The following SLC25A21 variants were observed in gnomAD, a reference collection of about 807,000 sequenced individuals.
SLC25A21 encodes solute carrier family 25 member 21.
Under a neutral mutation model 43.8 loss-of-function variants are expected in SLC25A21, and 47 were observed. That is an observed-to-expected ratio of 1.07 (90% confidence interval 0.85 to 1.37). SLC25A21 has a LOEUF of 1.37. SLC25A21 is among the 40% of genes most tolerant of loss of function. The pLI is 0.00. For synonymous variants in SLC25A21, 131 were observed against 121.3 expected (o/e 1.08, Z -0.52); for missense variants, 352 against 350.2 (o/e 1.00, Z -0.04).
intron 1 of SLC25A21, among the ~76,000 whole-genome samples, chr14:36,900,865 T>C (rs975954472): frequency 1.3e-5 from 2 of 152,166 alleles, no homozygotes; most frequent in Non-Finnish European, 2.9e-5. Flanking sequence ...TTTTGATTAT[T>C]AAAACTGTGA....
At chr14:37,134,816 A>G (rs1311769749) in intron 1 of SLC25A21, among the ~76,000 whole-genome samples, 1 of 152,074 alleles carries the variant, frequency 6.6e-6, no homozygotes, top group Admixed American at 6.6e-5. Flanking sequence ...GTCTTGGCCA[A>G]GTGTGGTGGC....
intron 1 of SLC25A21, among the ~76,000 whole-genome samples, chr14:36,934,129 G>A (rs1044976581): frequency 1.3e-5 from 2 of 151,964 alleles, no homozygotes; most frequent in Non-Finnish European, 2.9e-5. Flanking sequence ...TCTGTATTTG[G>A]TTAAGCCCAA....
intron 1 of SLC25A21, among the ~76,000 whole-genome samples, chr14:37,109,308 C>A (rs562203774): frequency 6.6e-6 from 1 of 151,766 alleles, no homozygotes; most frequent in African/African-American, 2.4e-5. Context: ...AACAACTAAC[C>A]CTGCTTCATT....
intron 1 of SLC25A21, among the ~76,000 whole-genome samples, chr14:36,937,988 G>A (rs1892465274): frequency 6.6e-6 from 1 of 152,004 alleles, no homozygotes; most frequent in South Asian, 2.1e-4. Flanking sequence ...ATTTTCTGGA[G>A]AGAAGAACAA....
Position 36,903,986 on chromosome 14 carries a change from T to A in SLC25A21, c.71-28982A>T, listed in dbSNP as rs140775803. On this transcript the variant is annotated intron_variant, in intron 1 of 9. Transcript: ENST00000331299. ...TTTCAAACTTCAAATACAGAATAGT[T>A]AGAATAAACGCTCAGGCAATTGAGG... 5.6e-3 allele frequency among the ~76,000 whole-genome samples: 852 copies of A among 152,318 alleles called. 2 individuals carry two copies. The highest frequency in any genetic ancestry group is 7.7e-3 in the Non-Finnish European group (524 of 68,026).
intron 1 of SLC25A21, among the ~76,000 whole-genome samples, chr14:36,993,732 G>C (rs567992388): frequency 6.6e-6 from 1 of 152,048 alleles, no homozygotes; most frequent in Non-Finnish European, 1.5e-5. Flanking sequence ...GACTAACACA[G>C]CTGTCTGCAT....
At chr14:36,766,709 A>T (rs530922265) in intron 3 of SLC25A21, among the ~76,000 whole-genome samples, 1 of 152,078 alleles carries the variant, frequency 6.6e-6, no homozygotes, top group East Asian at 1.9e-4. Context: ...TTCAGCACCC[A>T]AGAGGCAGTG....
chr14:37,094,152 C>G (rs1962641468), intron 1 of SLC25A21, among the ~76,000 whole-genome samples: 1 of 152,186 alleles, frequency 6.6e-6, no homozygotes, highest in Non-Finnish European at 1.5e-5. Context: ...GCAATGTGAA[C>G]AAGTGTGGAG....
At chr14:37,100,234 T>G (rs1962791174) in intron 1 of SLC25A21, among the ~76,000 whole-genome samples, 1 of 152,066 alleles carries the variant, frequency 6.6e-6, no homozygotes, top group African/African-American at 2.4e-5. Context: ...AATTTTTGTA[T>G]TTTTAGTAGA....
chr14:37,134,785 T>C (rs72669563), intron 1 of SLC25A21, among the ~76,000 whole-genome samples: 1 of 152,216 alleles, frequency 6.6e-6, no homozygotes, highest in Non-Finnish European at 1.5e-5. Context: ...CGGAGCTTCA[T>C]AATCAACCTT....
intron 2 of SLC25A21, among the ~76,000 whole-genome samples, chr14:36,831,337 G>A (rs1336030584): frequency 1.3e-5 from 2 of 152,154 alleles, no homozygotes; most frequent in Admixed American, 1.3e-4. Context: ...ATTGCATCCT[G>A]TAAGACACTG....
intron 3 of SLC25A21, among the ~76,000 whole-genome samples, chr14:36,773,239 T>C (rs937631036): frequency 1.1e-4 from 17 of 151,942 alleles, no homozygotes; most frequent in Middle Eastern, 3.2e-3. Context: ...CCATGTAGAA[T>C]GTTGTGTCTT....
At chr14:36,839,914 A>C (rs1360470958) in intron 2 of SLC25A21, among the ~76,000 whole-genome samples, 1 of 152,230 alleles carries the variant, frequency 6.6e-6, no homozygotes, top group Non-Finnish European at 1.5e-5. Context: ...AAACAGTAAA[A>C]ATATAGTATT....
chr14:36,917,455 T>A (rs905419290), intron 1 of SLC25A21, among the ~76,000 whole-genome samples: 1 of 152,134 alleles, frequency 6.6e-6, no homozygotes, highest in Non-Finnish European at 1.5e-5. Context: ...CTTTTTCTTA[T>A]AATAATTTTG....
At chr14:37,004,861 T>A (rs1207426195) in intron 1 of SLC25A21, among the ~76,000 whole-genome samples, 1 of 152,074 alleles carries the variant, frequency 6.6e-6, no homozygotes, top group Non-Finnish European at 1.5e-5. Context: ...TACAGCTTCC[T>A]AATTTTCAAC....
At chr14:36,932,363 C>G (rs1254288264) in intron 1 of SLC25A21, among the ~76,000 whole-genome samples, 2 of 152,068 alleles carry the variant, frequency 1.3e-5, no homozygotes, top group African/African-American at 4.8e-5. Flanking sequence ...CAACAAGAAC[C>G]AAGGGATTTA....
At chr14:36,854,933 T>G (rs1217882419) in intron 2 of SLC25A21, among the ~76,000 whole-genome samples, 199 of 134,432 alleles carry the variant, frequency 1.5e-3, no homozygotes, top group African/African-American at 2.3e-3. Context: ...GGGCATGAGG[T>G]GGGGGGGGGT....
chr14:36,685,941 C>A (rs1050908250), intron 7 of SLC25A21, among the ~76,000 whole-genome samples: 1 of 152,138 alleles, frequency 6.6e-6, no homozygotes, highest in African/African-American at 2.4e-5. Flanking sequence ...TCCGACCCCC[C>A]ACCCTATCTT....
chr14:36,773,787 C>T (rs1886715047), intron 3 of SLC25A21, among the ~76,000 whole-genome samples: 1 of 152,126 alleles, frequency 6.6e-6, no homozygotes, highest in Non-Finnish European at 1.5e-5. Flanking sequence ...AATAACTTAC[C>T]CAGCCAGGTC....
Sources: allele counts gnomAD v4.1 joint callset (sites outside exome capture counted in the v4.1 genomes callset), GRCh38; gene constraint gnomAD v4.1.1; transcripts MANE v1.5; gene names NCBI Gene and HGNC (gene_info 2026-07-23, HGNC 2026-07-21).